Variants in GSTCD observed in about 807,000 individuals in gnomAD.
GSTCD encodes glutathione S-transferase C-terminal domain-containing protein.
A neutral mutation model predicts 68.3 loss-of-function variants in GSTCD; 44 were observed. That is an observed-to-expected ratio of 0.64 (90% confidence interval 0.51 to 0.83). The LOEUF (loss-of-function observed/expected upper bound fraction) is 0.83, where lower values mean the gene tolerates loss of function less well. GSTCD is among the 40% of genes least tolerant of loss of function. The probability of loss-of-function intolerance (pLI) is 0.00; values close to 1 mark genes in which losing one functional copy is unlikely to be tolerated. For missense variants in GSTCD, 739 were observed against 735.9 expected (o/e 1.00, Z -0.05); for synonymous variants, 273 against 255.2 (o/e 1.07, Z -0.67).
chr4:105,751,632 T>TA (rs1410826078), intron 5 of GSTCD, among the ~76,000 whole-genome samples: 1 of 152,090 alleles, frequency 6.6e-6, no homozygotes, highest in African/African-American at 2.4e-5. Context: ...AGTCTAGGAG[T>TA]AGCTCAATAA....
intron 5 of GSTCD, among the ~76,000 whole-genome samples, chr4:105,777,783 G>T (rs1338203843): frequency 6.6e-6 from 1 of 152,148 alleles, no homozygotes; most frequent in Non-Finnish European, 1.5e-5. Context: ...AAGAGTTAAA[G>T]AAGACAACGT....
At chr4:105,731,157 G>C (rs976555633) in intron 5 of GSTCD, among the ~76,000 whole-genome samples, 1 of 152,176 alleles carries the variant, frequency 6.6e-6, no homozygotes, top group African/African-American at 2.4e-5. Flanking sequence ...TTTGAAGTCA[G>C]GTAGTGTGAT....
intron 1 of GSTCD, among the ~76,000 whole-genome samples, chr4:105,714,851 A>G (rs1397656135): frequency 1.3e-5 from 2 of 152,130 alleles, no homozygotes; most frequent in Admixed American, 1.3e-4. Context: ...CAGTGAGAAG[A>G]GTTTATAGAA....
intron 5 of GSTCD, among the ~76,000 whole-genome samples, chr4:105,766,887 C>CTTTTTTTTTTTTTTTTTGTTTTTTT (rs1734630149): frequency 1.8e-5 from 1 of 57,138 alleles, no homozygotes; most frequent in Non-Finnish European, 3.0e-5. Flanking sequence ...GTTTTTGACT[C>CTTTTTTTTTTTTTTTTTGTTTTTTT]TTTTTTTTTT....
At chr4:105,759,550 A>G (rs557416118) in intron 5 of GSTCD, among the ~76,000 whole-genome samples, 15 of 152,278 alleles carry the variant, frequency 9.9e-5, no homozygotes, top group East Asian at 3.9e-4. Context: ...GAGGGCATCA[A>G]CTGTTCATGT....
chr4:105,737,097 A>T (rs567834716), intron 5 of GSTCD, among the ~76,000 whole-genome samples: 15 of 152,204 alleles, frequency 9.9e-5, no homozygotes, highest in African/African-American at 3.4e-4. Context: ...TTTCTTTTGG[A>T]TATATATCCA....
chr4:105,834,475 T>A lies in GSTCD; in HGVS notation c.1545T>A (p.Ala515=), dbSNP rs776841290. The stretch of plus-strand genomic sequence containing the variant: ...TTATTTTGTAGGTAGCATTGCATGC[T>A]TGTGGAGTGGCAACAGACATGGTGA... ...GMFNIGVALH[A]CGVATDMVIE... is the part of the protein sequence containing the mutation. Residue 515 remains alanine, a synonymous_variant, in exon 9 of 12, where the codon GCT becomes GCA. Coordinates refer to ENST00000515279, the MANE Select transcript of GSTCD (RefSeq NM_001370181.1). 6.2e-7 allele frequency: 1 copy of A among 1,614,048 alleles called. No individual in the cohort carries two copies. Among genetic ancestry groups the A allele is most frequent in the Admixed American group, 1.7e-5 (1 of 60,008 alleles).
chr4:105,842,132 T>G lies in GSTCD; in HGVS notation c.1763T>G (p.Ile588Arg). 6.2e-7 allele frequency: 1 copy of G among 1,612,670 alleles called. No homozygotes were observed. The highest frequency in any genetic ancestry group is 8.5e-7 in the Non-Finnish European group (1 of 1,178,698). The change falls in exon 11 of 12, where the codon ATA (isoleucine) becomes AGA (arginine). Residue 588 changes from isoleucine (I) to arginine (R), a missense_variant and splice_region_variant. By Grantham distance (97) the Ile-to-Arg change is moderately conservative. Coordinates refer to ENST00000515279, the MANE Select transcript of GSTCD (RefSeq NM_001370181.1). Reference sequence around the variant, plus strand: ...CAGCTCCCACCCCAACGAAGGCTCATAGGTATGTGTTTTCACAGAGCAGCT... The same window carrying G: ...CAGCTCCCACCCCAACGAAGGCTCAGAGGTATGTGTTTTCACAGAGCAGCT... ...AVQLPPQRRL[I>R]GKQCMCLVDL... is the part of the protein sequence containing the mutation.
intron 5 of GSTCD, among the ~76,000 whole-genome samples, chr4:105,787,214 C>T (rs1443991163): frequency 6.6e-6 from 1 of 152,028 alleles, no homozygotes; most frequent in African/African-American, 2.4e-5. Flanking sequence ...GCATGAGGTT[C>T]AACAAGGTGT....
chr4:105,729,299 A>G (rs1733148635), intron 4 of GSTCD, 107 bp from the exon 5 acceptor site: 4 of 504,922 alleles, frequency 7.9e-6, no homozygotes, highest in Admixed American at 7.0e-5. Context: ...GATTATTACT[A>G]TTTATCCTCC....
intron 1 of GSTCD, among the ~76,000 whole-genome samples, chr4:105,711,585 GTATT>G (rs1485594330): frequency 2.0e-5 from 3 of 152,172 alleles, no homozygotes; most frequent in African/African-American, 7.2e-5. Context: ...ATAGTAGCTA[GTATT>G]TATTTAAGGA....
intron 3 of GSTCD, among the ~76,000 whole-genome samples, chr4:105,721,656 T>G (rs1454258685): frequency 6.6e-6 from 1 of 152,152 alleles, no homozygotes; most frequent in Non-Finnish European, 1.5e-5. Context: ...TTTTTTGTTT[T>G]TTTTTAATTT....
intron 5 of GSTCD, among the ~76,000 whole-genome samples, chr4:105,733,369 T>C (rs980220517): frequency 6.6e-6 from 1 of 152,152 alleles, no homozygotes; most frequent in Non-Finnish European, 1.5e-5. Flanking sequence ...AATCTGGGTG[T>C]TCCTGTATTG....
At chr4:105,780,544 C>T (rs568938573) in intron 5 of GSTCD, among the ~76,000 whole-genome samples, 1 of 152,266 alleles carries the variant, frequency 6.6e-6, no homozygotes, top group South Asian at 2.1e-4. Flanking sequence ...AATATTTGAG[C>T]ATGTCATTAT....
At chr4:105,778,228 T>C (rs1006375147) in intron 5 of GSTCD, among the ~76,000 whole-genome samples, 1 of 152,144 alleles carries the variant, frequency 6.6e-6, no homozygotes, top group Non-Finnish European at 1.5e-5. Flanking sequence ...ATCTAAAGCA[T>C]TGGCATAGTA....
At chr4:105,782,905 G>A (rs577163961) in intron 5 of GSTCD, among the ~76,000 whole-genome samples, 3 of 152,238 alleles carry the variant, frequency 2.0e-5, no homozygotes, top group East Asian at 1.9e-4. Context: ...TATTGTGTTT[G>A]TGTACATATA....
Position 105,717,850 on chromosome 4 carries a change from G to C in GSTCD, c.237G>C (p.Gln79His). The C allele has an allele frequency of 6.2e-7, 1 of 1,614,098 alleles. No individual in the cohort carries two copies. Among genetic ancestry groups the C allele is most frequent in the Non-Finnish European group, 8.5e-7 (1 of 1,179,982 alleles). The stretch of plus-strand genomic sequence containing the variant: ...TTGAAATACAGATTATTTCAAGGCA[G>C]GAGCTCCCACCAATAGTCCAAAATT... ...QDVEIQIISR[Q>H]ELPPIVQNCC... Residue 79 changes from glutamine (Q) to histidine (H), a missense_variant, in exon 2 of 12, where the codon CAG (glutamine) becomes CAC (histidine). Physicochemically the swap from Gln to His is conservative, Grantham distance 24 (BLOSUM62 0). Transcript: ENST00000515279.
chr4:105,766,509 A>G (rs1269827063), intron 5 of GSTCD, among the ~76,000 whole-genome samples: 1 of 152,224 alleles, frequency 6.6e-6, no homozygotes, highest in Non-Finnish European at 1.5e-5. Context: ...AAGACCAACT[A>G]ATCTAAGCAA....
At chr4:105,760,996 A>ATTTTTTTTTTTTTTTTTTT (rs35581423) in intron 5 of GSTCD, 4 of 174,966 alleles carry the variant, frequency 2.3e-5, no homozygotes, top group East Asian at 2.8e-4. Flanking sequence ...TCCTTTTTTA[A>ATTTTTTTTTTTTTTTTTTT]TTTTTTTTTT....
Sources: gnomAD v4.1 joint callset for allele counts (sites outside exome capture counted in the v4.1 genomes callset) on GRCh38, gnomAD v4.1.1 for gene constraint, MANE v1.5 for transcripts, NCBI Gene and HGNC (gene_info 2026-07-23, HGNC 2026-07-21) for gene names.